The following TTC6 variants were observed in gnomAD, a reference collection of about 807,000 sequenced individuals.
The protein encoded by TTC6 is tetratricopeptide repeat protein 6.
Under a neutral mutation model 210.4 loss-of-function variants are expected in TTC6, and 172 were observed. The observed-to-expected ratio is 0.82, with a 90% CI of 0.72 to 0.93. TTC6 has a LOEUF of 0.93. Ranked by LOEUF, TTC6 falls within the 40% of genes least tolerant of loss-of-function variation. The probability of loss-of-function intolerance (pLI) is 0.00; values close to 1 mark genes in which losing one functional copy is unlikely to be tolerated. For missense variants in TTC6, 2,414 were observed against 2,318.1 expected (o/e 1.04, Z -0.85); for synonymous variants, 804 against 819.6 (o/e 0.98, Z 0.32).
At chr14:37,807,400 A>C (rs2096120591) in exon 23 of TTC6, 1 of 1,530,216 alleles carries the variant, frequency 6.5e-7, no homozygotes, top group Admixed American at 2.0e-5. Context: ...AGGCTATTAA[A>C]ATTTACCCTG....
intron 1 of TTC6, among the ~76,000 whole-genome samples, chr14:37,679,048 C>A (rs1833519798): frequency 6.6e-6 from 1 of 151,916 alleles, no homozygotes; most frequent in South Asian, 2.1e-4. Context: ...TAGAGATACC[C>A]CATCTCTACA....
At chr14:37,736,425 A>G (rs2095901897) in intron 8 of TTC6, among the ~76,000 whole-genome samples, 1 of 152,128 alleles carries the variant, frequency 6.6e-6, no homozygotes, top group African/African-American at 2.4e-5. Flanking sequence ...TGCTGAAGAT[A>G]CATTTCTACT....
intron 14 of TTC6, among the ~76,000 whole-genome samples, chr14:37,786,209 G>A (rs1012664221): frequency 2.0e-5 from 3 of 152,212 alleles, no homozygotes; most frequent in African/African-American, 7.2e-5. Context: ...GTTCAGCTAT[G>A]CCCGGCCCAC....
rs557705840 is a variant in TTC6, at chr14:37,662,773, G to GT, written c.940-17373dup. Among the ~76,000 whole-genome samples the GT allele has an allele frequency of 1.1e-4, 17 of 152,286 alleles. No individual in the cohort carries two copies. In the South Asian group the frequency reaches 3.3e-3, roughly 30 times the overall value. ...TTCTGTTTCATTAGTCTATGTGCCT[G>GT]TTTTTGTATCAGTACTATGCAGTTT... On this transcript the variant is annotated intron_variant, in intron 1 of 30. Coordinates refer to ENST00000553443, the Ensembl canonical transcript of TTC6.
At chr14:37,832,784 G>A (rs1450081020) in intron 29 of TTC6, among the ~76,000 whole-genome samples, 1 of 152,016 alleles carries the variant, frequency 6.6e-6, no homozygotes, top group East Asian at 1.9e-4. Flanking sequence ...TTCTGGCCAC[G>A]CGCGGTGGCT....
rs147716577 is a variant in TTC6, at chr14:37,720,790, T to C, written c.1714-4108T>C. On this transcript the variant is annotated intron_variant, in intron 6 of 30. Coordinates refer to ENST00000553443, the Ensembl canonical transcript of TTC6. ...TAACTTCCTCGAAATGACAAAATTA[T>C]ACAAATAAAGAATAGAATAGTGGTT... Among the ~76,000 whole-genome samples the C allele has an allele frequency of 2.7e-3, 414 of 152,260 alleles. 2 individuals are homozygous for C. Among genetic ancestry groups the C allele is most frequent in the African/African-American group, 9.6e-3 (397 of 41,556 alleles).
intron 14 of TTC6, among the ~76,000 whole-genome samples, chr14:37,768,768 C>G (rs1296279191): frequency 3.3e-5 from 5 of 152,158 alleles, no homozygotes; most frequent in African/African-American, 9.7e-5. Flanking sequence ...TTGACTTCCT[C>G]TTTTCCTAAT....
chr14:37,605,967 C>G (rs926337295), intron 1 of TTC6, among the ~76,000 whole-genome samples: 9 of 151,914 alleles, frequency 5.9e-5, no homozygotes, highest in African/African-American at 2.2e-4. Flanking sequence ...GGTCATGCCC[C>G]AATGCCAGAC....
chr14:37,769,819 A>G (rs376986016), intron 14 of TTC6, among the ~76,000 whole-genome samples: 2 of 151,952 alleles, frequency 1.3e-5, no homozygotes, highest in South Asian at 2.1e-4. Flanking sequence ...CTGCTCTGAT[A>G]TTAGTTATTT....
chr14:37,823,150 G>T (rs2096161873), intron 26 of TTC6, among the ~76,000 whole-genome samples: 1 of 152,124 alleles, frequency 6.6e-6, no homozygotes, highest in Non-Finnish European at 1.5e-5. Flanking sequence ...CCACAAGAGA[G>T]TAATTAGGGA....
At chr14:37,739,255 T>TA in intron 10 of TTC6, 100 bp downstream of exon 12, 1 of 1,162,532 alleles carries the variant, frequency 8.6e-7, no homozygotes, top group Non-Finnish European at 1.2e-6. Context: ...TATTCTGCAC[T>TA]GAACATATGA....
At chr14:37,779,294 G>A (rs1024048645) in intron 14 of TTC6, among the ~76,000 whole-genome samples, 1 of 152,150 alleles carries the variant, frequency 6.6e-6, no homozygotes, top group Non-Finnish European at 1.5e-5. Flanking sequence ...TGCTGCGAGT[G>A]CCAGTCTTTC....
chr14:37,739,057 T>C (rs1384901602), exon 10 of TTC6: 5 of 1,534,660 alleles, frequency 3.3e-6, no homozygotes, highest in Middle Eastern at 1.7e-4. Context: ...ACATTGTTTA[T>C]CCCAAGAAAA....
intron 1 of TTC6, among the ~76,000 whole-genome samples, chr14:37,662,089 C>T (rs1324304629): frequency 6.6e-6 from 1 of 152,106 alleles, no homozygotes; most frequent in African/African-American, 2.4e-5. Flanking sequence ...AGGATCATGT[C>T]ATCTGCAAAC....
At position 37,815,053 on chromosome 14, in the gene TTC6, C is replaced by T. The variant is rs1227722170; in HGVS notation, c.4690-2525C>T. ...ATGGGTTAAGAACATTTGTTTTCCT[C>T]TTTTCCCTCTTGAAAACCTACCAAG... On this transcript the variant is annotated intron_variant, in intron 25 of 30. Transcript: ENST00000553443. 2.0e-5 allele frequency among the ~76,000 whole-genome samples: 3 copies of T among 152,070 alleles called. No individual in the cohort carries two copies. In the East Asian group the frequency reaches 5.8e-4, roughly 29 times the overall value.
At chr14:37,711,127 G>A (rs371916248) in intron 5 of TTC6, among the ~76,000 whole-genome samples, 4 of 152,246 alleles carry the variant, frequency 2.6e-5, no homozygotes, top group African/African-American at 9.6e-5. Flanking sequence ...GAACTACCCA[G>A]CATCTCCTGC....
At chr14:37,622,651 G>A (rs1184855892) in exon 1 of TTC6, 4 of 1,535,160 alleles carry the variant, frequency 2.6e-6, no homozygotes, top group Non-Finnish European at 2.6e-6. Context: ...CCTCTCGCAG[G>A]GCCCTGCATG....
At chr14:37,705,487 A>G (rs1029426792) in intron 5 of TTC6, among the ~76,000 whole-genome samples, 3 of 152,150 alleles carry the variant, frequency 2.0e-5, no homozygotes, top group African/African-American at 7.2e-5. Context: ...TCCTTTTGCA[A>G]ATAAATCATA....
intron 6 of TTC6, among the ~76,000 whole-genome samples, chr14:37,720,031 C>T (rs916515353): frequency 2.6e-5 from 4 of 151,984 alleles, no homozygotes; most frequent in Non-Finnish European, 5.9e-5. Flanking sequence ...GTGGGCAAAA[C>T]CATTAATAAA....
Sources: gnomAD v4.1 joint callset for allele counts (sites outside exome capture counted in the v4.1 genomes callset) on GRCh38, gnomAD v4.1.1 for gene constraint, MANE v1.5 for transcripts, NCBI Gene and HGNC (gene_info 2026-07-23, HGNC 2026-07-21) for gene names.